CBLB: variants seen among roughly 807,000 people sequenced by gnomAD.
CBLB encodes the protein Cbl proto-oncogene B, also known as E3 ubiquitin-protein ligase CBL-B.
In CBLB, 31 loss-of-function variants were observed where a neutral mutation model predicts 104.9. That is an observed-to-expected ratio of 0.30 (90% confidence interval 0.22 to 0.40). The LOEUF is 0.40. CBLB is among the 10% of genes least tolerant of loss of function. The probability of loss-of-function intolerance (pLI) is 1.00; values close to 1 mark genes in which losing one functional copy is unlikely to be tolerated. For missense variants in CBLB, 1,062 were observed against 1,214.6 expected, an observed-to-expected ratio of 0.87 and a Z score of 1.87; for synonymous variants, 440 against 422.6, an observed-to-expected ratio of 1.04 and a Z score of -0.51.
chr3:105,688,836 G>T (rs917105978), intron 13 of CBLB, among the ~76,000 whole-genome samples: 2 of 151,966 alleles, frequency 1.3e-5, no homozygotes, highest in Non-Finnish European at 2.9e-5. Flanking sequence ...AGTCTGTGTG[G>T]TATACTATCA....
chr3:105,658,163 T>G lies in CBLB; in HGVS notation c.*807A>C. On this transcript the variant is annotated 3_prime_UTR_variant, in exon 19 of 19. Transcript: ENST00000394030. ...TTCCACATCTGTAGTAGCTGCTTTC[T>G]AATATTGTAGATTTTTACAGTTGTG... The G allele has an allele frequency of 4.6e-6, 1 of 217,476 alleles. No homozygotes were observed. The highest frequency in any genetic ancestry group is 9.3e-6 in the Non-Finnish European group (1 of 107,806). The allele number at this position is 217,476 out of a possible 1,614,324, so 13.5% of individuals were successfully genotyped here. A position where few individuals can be genotyped will look rare whatever the true frequency, so the allele number is the denominator to read the frequency against.
chr3:105,859,547 T>C (rs1330232077), intron 2 of CBLB, among the ~76,000 whole-genome samples: 1 of 150,892 alleles, frequency 6.6e-6, no homozygotes, highest in Non-Finnish European at 1.5e-5. Context: ...CCCAGGAACT[T>C]GGGAGGCTGA....
In CBLB at chr3:105,726,335, A is replaced by G. The variant is rs185008196; in HGVS notation, c.1204-6085T>C. Among the ~76,000 whole-genome samples, 856 of 152,308 alleles carry G rather than the reference A, an allele frequency of 5.6e-3. 4 individuals carry two copies. The highest frequency in any genetic ancestry group is 0.017 in the Middle Eastern group (5 of 294). ...GTAAATTACTATTTTGAATACGCTG[A>G]TATCTTTCTTTTAAATTATATCAAA... On this transcript the variant is annotated intron_variant, in intron 9 of 18. Transcript: ENST00000394030.
At position 105,823,076 on chromosome 3, in the gene CBLB, A is replaced by T. The variant is rs534003852; in HGVS notation, c.419+30338T>A. On this transcript the variant is annotated intron_variant, in intron 3 of 18. Coordinates refer to ENST00000394030, the MANE Select transcript of CBLB (RefSeq NM_170662.5). ...GTTGAAATTAAAAGGCTCTGCTTGA[A>T]TTTGATAAGTTAAATGACAGAGGAC... Among the ~76,000 whole-genome samples, 7 of 149,232 alleles carry T rather than the reference A, an allele frequency of 4.7e-5. No individual in the cohort carries two copies. The South Asian group carries it at 1.5e-3, about 31-fold the overall frequency.
intron 6 of CBLB, among the ~76,000 whole-genome samples, chr3:105,740,921 T>G (rs887010652): frequency 2.0e-5 from 3 of 152,072 alleles, no homozygotes; most frequent in African/African-American, 7.2e-5. Context: ...CAGGATGCGG[T>G]GTATGGAAAT....
In CBLB at chr3:105,776,614, T is replaced by C. The variant is rs55804660; in HGVS notation, c.420-72A>G. On this transcript the variant is annotated intron_variant, in intron 3 of 18. Coordinates refer to ENST00000394030, the MANE Select transcript of CBLB (RefSeq NM_170662.5). The stretch of plus-strand genomic sequence containing the variant: ...ATGCATGCAAATTTTTATGGTAATA[T>C]ATATTAAGACAAACAATGTTATGTA... The C allele has an allele frequency of 3.6e-3, 4,916 of 1,347,796 alleles. 130 individuals are homozygous for C. The African/African-American group carries it at 0.062, about 17-fold the overall frequency. 83.5% of individuals were successfully genotyped at this position (1,347,796 alleles called of 1,614,324 possible).
At chr3:105,869,210 G>A, upstream of CBLB, 1 of 636,248 alleles carries the variant, frequency 1.6e-6, no homozygotes, top group East Asian at 5.2e-5. Context: ...CCAGAGGAAG[G>A]CCCGCTCGCA....
At chr3:105,824,337 A>G (rs2086279733) in intron 3 of CBLB, 1 of 152,188 alleles carries the variant, frequency 6.6e-6, no homozygotes, top group Admixed American at 6.6e-5. Context: ...GACTGTTACC[A>G]TGGATGCAAA....
chr3:105,695,321 T>G (rs994427178), intron 12 of CBLB, among the ~76,000 whole-genome samples: 1 of 151,888 alleles, frequency 6.6e-6, no homozygotes, highest in Admixed American at 6.6e-5. Context: ...TATGATTTTA[T>G]AATCAGAACA....
At chr3:105,867,346 A>T (rs1202862233) in intron 2 of CBLB, 64 bp downstream of exon 2, 2 of 1,409,822 alleles carry the variant, frequency 1.4e-6, no homozygotes, top group East Asian at 4.6e-5. Context: ...AGTATAAATA[A>T]ATCTGGAGAA....
At chr3:105,683,783 T>A (rs964247825) in intron 14 of CBLB, among the ~76,000 whole-genome samples, 1 of 152,230 alleles carries the variant, frequency 6.6e-6, no homozygotes, top group Non-Finnish European at 1.5e-5. Flanking sequence ...TATGATTTTA[T>A]CAACAGATGT....
chr3:105,705,304 T>C (rs2069913705), intron 10 of CBLB, among the ~76,000 whole-genome samples: 1 of 152,240 alleles, frequency 6.6e-6, no homozygotes, highest in Non-Finnish European at 1.5e-5. Flanking sequence ...TCACACTTAG[T>C]TACATTGTAT....
At position 105,734,032 on chromosome 3, in the gene CBLB, T is replaced by C; in HGVS notation, c.1180A>G (p.Thr394Ala). The C allele has an allele frequency of 6.2e-7, 1 of 1,614,000 alleles. No individual in the cohort carries two copies. Among genetic ancestry groups the C allele is most frequent in the Non-Finnish European group, 8.5e-7 (1 of 1,179,894 alleles). ...KIEPCGHLMC[T>A]SCLTAWQESD... ...ACCTGCCATGCCGTAAGGCAAGAGG[T>C]GCACATCAAATGCCCACAAGGCTCA... Residue 394 changes from threonine to alanine, a missense_variant, in exon 9 of 19, where the codon ACC becomes GCC. Transcript: ENST00000394030.
chr3:105,746,532 T>C (rs928067275), intron 5 of CBLB, among the ~76,000 whole-genome samples: 13 of 152,184 alleles, frequency 8.5e-5, no homozygotes, highest in Admixed American at 2.6e-4. Flanking sequence ...AAAAAAGCCC[T>C]CTTCCCCCTC....
intron 16 of CBLB, among the ~76,000 whole-genome samples, chr3:105,679,092 T>C (rs911961248): frequency 6.6e-6 from 1 of 152,124 alleles, no homozygotes; most frequent in Non-Finnish European, 1.5e-5. Flanking sequence ...TTTCATATAT[T>C]TGATATGCTG....
At chr3:105,769,759 T>A (rs1398103132) in intron 4 of CBLB, among the ~76,000 whole-genome samples, 1 of 152,212 alleles carries the variant, frequency 6.6e-6, no homozygotes, top group East Asian at 1.9e-4. Context: ...CTAAAGCTTG[T>A]GATGTTTAAT....
At chr3:105,797,373 C>T (rs1488719735) in intron 3 of CBLB, among the ~76,000 whole-genome samples, 1 of 152,050 alleles carries the variant, frequency 6.6e-6, no homozygotes, top group African/African-American at 2.4e-5. Context: ...TTAGCTCTCA[C>T]TTGATGTTTA....
intron 5 of CBLB, 105 bp from the exon 6 acceptor site, chr3:105,746,143 TA>T (rs2076079956): frequency 2.5e-6 from 2 of 811,028 alleles, no homozygotes; most frequent in South Asian, 3.2e-5. Context: ...TTGGATATTT[TA>T]AAAGTTAATC....
chr3:105,726,216 T>C (rs2073609121), intron 9 of CBLB, among the ~76,000 whole-genome samples: 1 of 152,214 alleles, frequency 6.6e-6, no homozygotes, highest in South Asian at 2.1e-4. Flanking sequence ...CAGACAACTA[T>C]ATACATTTTC....
Sources: allele counts gnomAD v4.1 joint callset (sites outside exome capture counted in the v4.1 genomes callset), GRCh38; gene constraint gnomAD v4.1.1; transcripts MANE v1.5; gene names NCBI Gene and HGNC (gene_info 2026-07-23, HGNC 2026-07-21).